SORCS3: variants seen among roughly 807,000 people sequenced by gnomAD.
The protein encoded by SORCS3 is VPS10 domain-containing receptor SorCS3.
SORCS3 carries 57 observed loss-of-function variants against 146.3 expected under a neutral mutation model. That is an observed-to-expected ratio of 0.39 (90% CI 0.31 to 0.49). The LOEUF (loss-of-function observed/expected upper bound fraction) is 0.49. SORCS3 is among the 20% of genes least tolerant of loss of function. The pLI, the probability that SORCS3 is intolerant of heterozygous loss-of-function variation, is 0.92. For synonymous variants in SORCS3, 653 were observed against 618.5 expected, an observed-to-expected ratio of 1.06 and a Z score of -0.83; for missense variants, 1,341 against 1,575.5, an observed-to-expected ratio of 0.85 and a Z score of 2.52.
chr10:105,024,096 T>C (rs1471784621), intron 4 of SORCS3, among the ~76,000 whole-genome samples: 1 of 152,200 alleles, frequency 6.6e-6, no homozygotes, highest in Non-Finnish European at 1.5e-5. Flanking sequence ...ACTGTCAGTG[T>C]TCAGTGTTCT....
At chr10:104,713,849 G>C (rs953027226) in intron 1 of SORCS3, among the ~76,000 whole-genome samples, 1 of 152,104 alleles carries the variant, frequency 6.6e-6, no homozygotes, top group Non-Finnish European at 1.5e-5. Context: ...TCTTTCTTCA[G>C]TGATTGGTAG....
intron 2 of SORCS3, among the ~76,000 whole-genome samples, chr10:104,908,910 A>T (rs2018936400): frequency 6.6e-6 from 1 of 152,238 alleles, no homozygotes; most frequent in African/African-American, 2.4e-5. Flanking sequence ...AATGCCAGAC[A>T]GAGGCAGATG....
intron 1 of SORCS3, among the ~76,000 whole-genome samples, chr10:104,818,359 T>TCC (rs57368251): frequency 0.16 from 22,987 of 140,302 alleles, 2,067 homozygotes; most frequent in Middle Eastern, 0.2. Flanking sequence ...TTCTTCTCCT[T>TCC]TCTTCCTTCC....
intron 4 of SORCS3, among the ~76,000 whole-genome samples, chr10:105,004,414 G>A (rs1486086369): frequency 6.6e-6 from 1 of 152,160 alleles, no homozygotes. Flanking sequence ...GCCTGAAGGG[G>A]CAAGGACAGG....
rs765335559 is a variant in SORCS3 at position 105,139,413 on chromosome 10, G to C, written c.1229G>C (p.Arg410Thr). 6.2e-7 allele frequency: 1 copy of C among 1,613,382 alleles called. No homozygotes were observed. Among genetic ancestry groups the C allele is most frequent in the African/African-American group, 1.3e-5 (1 of 74,920 alleles). The change falls in exon 8 of 27, where the codon AGA becomes ACA. Residue 410 changes from arginine (R) to threonine (T), a missense_variant. Transcript: ENST00000369701. ...YIFIQVTTSG[R>T]ASYYVSYRRE... ...ACAATCTAGGTAACAACTAGTGGAA[G>C]AGCCAGCTACTACGTGTCTTATCGA...
chr10:105,228,673 T>TA (rs1247596162), intron 20 of SORCS3, among the ~76,000 whole-genome samples: 4 of 152,206 alleles, frequency 2.6e-5, no homozygotes, highest in Non-Finnish European at 4.4e-5. Context: ...TATGTCATCC[T>TA]ATTCTCTCCT....
intron 1 of SORCS3, among the ~76,000 whole-genome samples, chr10:104,727,815 G>C (rs951811135): frequency 6.6e-6 from 1 of 151,988 alleles, no homozygotes; most frequent in Non-Finnish European, 1.5e-5. Context: ...TATTATAGGA[G>C]CATGAACCTT....
At chr10:104,966,012 A>G (rs566355660) in intron 3 of SORCS3, among the ~76,000 whole-genome samples, 3 of 152,186 alleles carry the variant, frequency 2.0e-5, no homozygotes, top group African/African-American at 4.8e-5. Flanking sequence ...ATTTATATGT[A>G]GTTTACATAT....
intron 7 of SORCS3, among the ~76,000 whole-genome samples, chr10:105,128,348 C>T (rs191689509): frequency 3.3e-4 from 50 of 152,188 alleles, no homozygotes; most frequent in East Asian, 3.9e-4. Context: ...ACTGTTGTCC[C>T]AAAATTCACT....
rs543642401 is a variant in SORCS3, at chr10:105,175,584, C to T, written c.1902-2482C>T. Among the ~76,000 whole-genome samples, 33 of 152,330 alleles carry T rather than the reference C, an allele frequency of 2.2e-4. No individual in the cohort carries two copies. In the South Asian group the frequency reaches 5.2e-3, roughly 24 times the overall value. ...CAACTATGATTATTTTAGGAACTGA[C>T]GGACTACATGGTAAGAAAAGTAAAG... On this transcript the variant is annotated intron_variant, in intron 13 of 26. Transcript: ENST00000369701.
intron 5 of SORCS3, among the ~76,000 whole-genome samples, chr10:105,073,889 T>C (rs1462249341): frequency 1.3e-5 from 2 of 152,138 alleles, no homozygotes; most frequent in African/African-American, 4.8e-5. Context: ...AGGATGCAGT[T>C]TGATCTGTGT....
intron 1 of SORCS3, among the ~76,000 whole-genome samples, chr10:104,781,087 T>A (rs1422644860): frequency 6.6e-6 from 1 of 152,216 alleles, no homozygotes; most frequent in African/African-American, 2.4e-5. Context: ...GGAAAATCAC[T>A]GGTGATTAGA....
chr10:104,677,660 A>G (rs534005839), intron 1 of SORCS3, among the ~76,000 whole-genome samples: 3 of 152,312 alleles, frequency 2.0e-5, no homozygotes, highest in African/African-American at 7.2e-5. Context: ...AGGGCTTGCT[A>G]TCAGAGCAGT....
intron 2 of SORCS3, among the ~76,000 whole-genome samples, chr10:104,881,245 G>A (rs944263589): frequency 4.6e-5 from 7 of 152,168 alleles, no homozygotes; most frequent in African/African-American, 1.7e-4. Context: ...ATATGGGTGA[G>A]TGCATATAGA....
At chr10:105,132,324 AATT>A (rs2056025464) in intron 7 of SORCS3, among the ~76,000 whole-genome samples, 1 of 152,212 alleles carries the variant, frequency 6.6e-6, no homozygotes, top group Admixed American at 6.5e-5. Context: ...TAGTAATAAT[AATT>A]ATTGTTGTGG....
chr10:105,104,039 T>C (rs1185340826), intron 6 of SORCS3, among the ~76,000 whole-genome samples: 2 of 152,144 alleles, frequency 1.3e-5, no homozygotes, highest in Non-Finnish European at 2.9e-5. Context: ...ACAGAGATCA[T>C]TTAAAGTACC....
At chr10:105,112,362 T>C (rs2055864358) in intron 7 of SORCS3, among the ~76,000 whole-genome samples, 1 of 152,138 alleles carries the variant, frequency 6.6e-6, no homozygotes, top group African/African-American at 2.4e-5. Flanking sequence ...TAGGACGGGC[T>C]TTATGGAGAA....
At chr10:105,204,367 A>G (rs2056590163) in intron 16 of SORCS3, among the ~76,000 whole-genome samples, 1 of 152,160 alleles carries the variant, frequency 6.6e-6, no homozygotes, top group Non-Finnish European at 1.5e-5. Flanking sequence ...TTCAGAAAAA[A>G]ATAAAGTTTC....
At chr10:105,144,428 A>T (rs537676699) in intron 8 of SORCS3, among the ~76,000 whole-genome samples, 2 of 152,152 alleles carry the variant, frequency 1.3e-5, no homozygotes, top group Non-Finnish European at 2.9e-5. Context: ...ATGGGTATTT[A>T]TATAATGAAT....
Sources: gnomAD v4.1 joint callset for allele counts (sites outside exome capture counted in the v4.1 genomes callset) on GRCh38, gnomAD v4.1.1 for gene constraint, MANE v1.5 for transcripts, NCBI Gene and HGNC (gene_info 2026-07-23, HGNC 2026-07-21) for gene names.